The following NTM variants were observed in gnomAD, a reference collection of about 807,000 sequenced individuals.
NTM encodes IgLON family member 2.
A neutral mutation model predicts 42.1 loss-of-function variants in NTM; 13 were observed. The observed-to-expected ratio is 0.31, with a 90% CI of 0.20 to 0.49. The LOEUF (loss-of-function observed/expected upper bound fraction) is 0.49, where lower values mean the gene tolerates loss of function less well. Among genes scored for constraint, NTM ranks in the 20% least tolerant of loss-of-function variants. NTM has a pLI of 0.99. For synonymous variants in NTM, 187 were observed against 179.2 expected (o/e 1.04, Z -0.35); for missense variants, 373 against 452.8 (o/e 0.82, Z 1.60).
At chr11:132,081,678 G>A (rs2059074183) in intron 2 of NTM, among the ~76,000 whole-genome samples, 1 of 150,918 alleles carries the variant, frequency 6.6e-6, no homozygotes, top group South Asian at 2.1e-4. Flanking sequence ...CTTGCAGTGA[G>A]CCGAGATTGC....
chr11:132,059,467 C>T lies in NTM; in HGVS notation c.168-86815C>T, dbSNP rs573795437. The stretch of plus-strand genomic sequence containing the variant: ...GAGGCCTTAGGGACTGTCTGTTGAC[C>T]GATTGACACATTCTTTGTATTTTGA... On this transcript the variant is annotated intron_variant, in intron 2 of 8. Transcript: ENST00000683400. Among the ~76,000 whole-genome samples, 10 of 152,308 alleles carry T rather than the reference C, an allele frequency of 6.6e-5. No homozygotes were observed. In the East Asian group the frequency reaches 7.7e-4, roughly 12 times the overall value.
At chr11:131,598,811 CTTCTTTCTTTCTTTCTTCT>C (rs1270081522) in intron 1 of NTM, among the ~76,000 whole-genome samples, 2 of 42,860 alleles carry the variant, frequency 4.7e-5, no homozygotes, top group African/African-American at 1.5e-4. Context: ...TTCTTTCTTT[CTTCTTTCTTTCTTTCTTCT>C]TTCTTTCTTT....
chr11:131,968,392 G>A (rs2134636811), intron 2 of NTM, among the ~76,000 whole-genome samples: 1 of 152,240 alleles, frequency 6.6e-6, no homozygotes, highest in African/African-American at 2.4e-5. Context: ...CCATTGAACA[G>A]TTCATGATCC....
intron 1 of NTM, among the ~76,000 whole-genome samples, chr11:131,825,872 T>C (rs753130649): frequency 2.2e-4 from 33 of 152,318 alleles, no homozygotes; most frequent in Non-Finnish European, 3.7e-4. Flanking sequence ...GAGTTTATAG[T>C]ACCATTTAAA....
At chr11:131,735,942 C>G (rs1199473190) in intron 1 of NTM, among the ~76,000 whole-genome samples, 2 of 151,922 alleles carry the variant, frequency 1.3e-5, no homozygotes, top group Non-Finnish European at 2.9e-5. Context: ...AAGAGATTCA[C>G]GTGCCTCAGC....
chr11:131,723,194 C>T (rs889344997), intron 1 of NTM, among the ~76,000 whole-genome samples: 10 of 152,200 alleles, frequency 6.6e-5, no homozygotes, highest in Non-Finnish European at 1.2e-4. Flanking sequence ...TTATCTCTGC[C>T]GTTCACATCA....
intron 1 of NTM, among the ~76,000 whole-genome samples, chr11:131,575,344 G>A (rs543992035): frequency 1.8e-3 from 270 of 152,294 alleles, no homozygotes; most frequent in Non-Finnish European, 3.1e-3. Context: ...TACACTTACA[G>A]TATATGTCTT....
At position 132,090,065 on chromosome 11, in the gene NTM, A is replaced by G. The variant is rs149500804; in HGVS notation, c.168-56217A>G. Among the ~76,000 whole-genome samples the G allele has an allele frequency of 2.0e-5, 3 of 152,282 alleles. No individual in the cohort carries two copies. The East Asian group carries it at 5.8e-4, about 29-fold the overall frequency. ...CATCCTCACAATATCCTTGGAGGGT[A>G]GGTATTATTATCCCCATTCACAGAC... On this transcript the variant is annotated intron_variant, in intron 2 of 8. Transcript: ENST00000683400.
intron 1 of NTM, among the ~76,000 whole-genome samples, chr11:131,887,783 T>C (rs1209042433): frequency 6.6e-6 from 1 of 152,246 alleles, no homozygotes; most frequent in African/African-American, 2.4e-5. Context: ...TGCACTGTTG[T>C]CCTTGTATCT....
intron 4 of NTM, among the ~76,000 whole-genome samples, chr11:132,293,602 G>A (rs1343200848): frequency 6.6e-6 from 1 of 152,090 alleles, no homozygotes; most frequent in Non-Finnish European, 1.5e-5. Flanking sequence ...GCGTCTACAG[G>A]AGAGGTCAGC....
intron 2 of NTM, among the ~76,000 whole-genome samples, chr11:132,094,043 T>C (rs1357496930): frequency 1.3e-5 from 2 of 152,118 alleles, no homozygotes; most frequent in African/African-American, 4.8e-5. Flanking sequence ...AACCGCCGGT[T>C]TGGTTACAGC....
At chr11:131,489,669 C>A (rs534638341) in intron 1 of NTM, among the ~76,000 whole-genome samples, 4 of 152,262 alleles carry the variant, frequency 2.6e-5, no homozygotes, top group South Asian at 4.1e-4. Flanking sequence ...GGGGCCCTTA[C>A]GTTTTCTTCA....
At chr11:132,109,164 T>TA (rs1453034361) in intron 2 of NTM, among the ~76,000 whole-genome samples, 1 of 149,558 alleles carries the variant, frequency 6.7e-6, no homozygotes, top group Non-Finnish European at 1.5e-5. Context: ...GCAATAAACA[T>TA]ACGTGTGCAT....
Position 131,599,885 on chromosome 11 carries a change from G to C in NTM, c.82+228997G>C, listed in dbSNP as rs529276376. On this transcript the variant is annotated intron_variant, in intron 1 of 8. Transcript: ENST00000683400. ...GCAGAAAATGCAAGTCAGGAATCCTGCCTCCCTGGGCAGAGTTAGACCCTG... is the reference window on the plus strand; with the variant it reads ...GCAGAAAATGCAAGTCAGGAATCCTCCCTCCCTGGGCAGAGTTAGACCCTG... Among the ~76,000 whole-genome samples the C allele has an allele frequency of 4.6e-5, 7 of 152,364 alleles. No individual in the cohort carries two copies. In the Middle Eastern group the frequency reaches 0.014, roughly 296 times the overall value.
chr11:131,819,203 T>C (rs1283000303), intron 1 of NTM, among the ~76,000 whole-genome samples: 1 of 152,122 alleles, frequency 6.6e-6, no homozygotes, highest in African/African-American at 2.4e-5. Context: ...AGTTCAAAAC[T>C]TCTCTACTGG....
At chr11:131,638,198 T>C (rs2064658136) in intron 1 of NTM, among the ~76,000 whole-genome samples, 1 of 152,182 alleles carries the variant, frequency 6.6e-6, no homozygotes, top group Non-Finnish European at 1.5e-5. Flanking sequence ...ATTATTTTCA[T>C]ATAAGAGAGG....
At position 131,784,934 on chromosome 11, in the gene NTM, C is replaced by T. The variant is rs533882025; in HGVS notation, c.83-126630C>T. 3.9e-5 allele frequency among the ~76,000 whole-genome samples: 6 copies of T among 152,040 alleles called. No individual in the cohort carries two copies. The South Asian group carries it at 1.2e-3, about 32-fold the overall frequency. ...TTTTTATTGCTCATGTCAAAGACCC[C>T]ACGTAAGCACTCTTTGCAAGCAACT... On this transcript the variant is annotated intron_variant, in intron 1 of 8. Coordinates refer to ENST00000683400, the MANE Select transcript of NTM (RefSeq NM_001352005.2).
intron 7 of NTM, 126 bp from the exon 8 acceptor site, chr11:132,330,027 G>A: frequency 6.9e-7 from 1 of 1,450,574 alleles, no homozygotes; most frequent in Non-Finnish European, 9.2e-7. Context: ...CAAGGGACAT[G>A]GGCAAGAGGC....
At chr11:131,372,457 T>TGC (rs200131499) in intron 1 of NTM, among the ~76,000 whole-genome samples, 8 of 152,026 alleles carry the variant, frequency 5.3e-5, no homozygotes, top group Admixed American at 4.6e-4. Flanking sequence ...TGTGTGTGTG[T>TGC]GCGTGCGTGT....
Sources: gnomAD v4.1 joint callset for allele counts (sites outside exome capture counted in the v4.1 genomes callset) on GRCh38, gnomAD v4.1.1 for gene constraint, MANE v1.5 for transcripts, NCBI Gene and HGNC (gene_info 2026-07-23, HGNC 2026-07-21) for gene names.